DRICH1: variants seen among roughly 807,000 people sequenced by gnomAD.
DRICH1 encodes aspartate rich 1.
Under a neutral mutation model 39.5 loss-of-function variants are expected in DRICH1, and 38 were observed. The ratio of observed to expected loss-of-function variants is 0.96; its 90% confidence interval spans 0.74 to 1.26. The LOEUF (loss-of-function observed/expected upper bound fraction) is 1.26, where lower values mean the gene tolerates loss of function less well. Among genes scored for constraint, DRICH1 ranks in the 50% most tolerant of loss-of-function variants. The pLI is 0.00. For synonymous variants in DRICH1, 84 were observed against 99.5 expected, an observed-to-expected ratio of 0.84 and a Z score of 0.93; for missense variants, 279 against 270.4, an observed-to-expected ratio of 1.03 and a Z score of -0.22.
chr22:23,629,924 G>C (rs1928290632), intron 1 of DRICH1, among the ~76,000 whole-genome samples: 1 of 152,088 alleles, frequency 6.6e-6, no homozygotes, highest in South Asian at 2.1e-4. Context: ...GCCATGGATT[G>C]GAGCATTTCT....
chr22:23,595,501 C>T, the DRICH1 span, among the ~76,000 whole-genome samples: 2 of 152,160 alleles, frequency 1.3e-5, no homozygotes, highest in South Asian at 4.1e-4. Context: ...GAGCTGCTGA[C>T]TTGAGGTCTA....
chr22:23,614,114 A>G, intron 9 of DRICH1, 21 bp downstream of exon 9: 7 of 1,542,408 alleles, frequency 4.5e-6, no homozygotes, highest in Non-Finnish European at 6.3e-6. Context: ...GCTGTAGAAG[A>G]CAAAAAAAGG....
At chr22:23,599,543 G>A in the DRICH1 span, among the ~76,000 whole-genome samples, 6 of 152,200 alleles carry the variant, frequency 3.9e-5, no homozygotes, top group African/African-American at 1.4e-4. Context: ...CAGGGCACGT[G>A]GTATGGCAGA....
intron 8 of DRICH1, among the ~76,000 whole-genome samples, chr22:23,615,413 T>C (rs182620341): frequency 6.6e-6 from 1 of 152,338 alleles, no homozygotes; most frequent in East Asian, 1.9e-4. Flanking sequence ...ACCTATTCAT[T>C]CAGACATATA....
intron 11 of DRICH1, 128 bp from the exon 12 acceptor site, chr22:23,608,896 GA>G: frequency 9.9e-7 from 1 of 1,008,156 alleles, no homozygotes. Context: ...AGGCTGAGGA[GA>G]AATTACAGAT....
rs572347429 is a variant in DRICH1, at chr22:23,617,166, T to C, written c.520-292A>G. Among the ~76,000 whole-genome samples, 4 of 152,324 alleles carry C rather than the reference T, an allele frequency of 2.6e-5. No homozygotes were observed. The South Asian group carries it at 8.3e-4, about 32-fold the overall frequency. ...GCATTACAGTTGATGATGGATGCTGTCATTTAAAAACATCCTAGTGTGTCA... is the reference window on the plus strand; with the variant it reads ...GCATTACAGTTGATGATGGATGCTGCCATTTAAAAACATCCTAGTGTGTCA... On this transcript the variant is annotated intron_variant, in intron 7 of 11. Transcript: ENST00000317749.
At chr22:23,597,794 G>C in the DRICH1 span, among the ~76,000 whole-genome samples, 1 of 152,038 alleles carries the variant, frequency 6.6e-6, no homozygotes, top group Non-Finnish European at 1.5e-5. Context: ...GGCCTGGTGG[G>C]GGGCTGGGGC....
chr22:23,592,055 C>T, the DRICH1 span, among the ~76,000 whole-genome samples: 8 of 152,330 alleles, frequency 5.3e-5, no homozygotes, highest in East Asian at 1.4e-3. Flanking sequence ...TTTCCCGAGG[C>T]ACGTCCTTCC....
chr22:23,629,644 CTCACTCTG>C (rs1928274317), intron 1 of DRICH1, among the ~76,000 whole-genome samples: 2 of 152,004 alleles, frequency 1.3e-5, no homozygotes. Context: ...GAGACAGAGT[CTCACTCTG>C]TCACCCAGGC....
chr22:23,582,629 T>C, the DRICH1 span, among the ~76,000 whole-genome samples: 1 of 151,502 alleles, frequency 6.6e-6, no homozygotes, highest in Non-Finnish European at 1.5e-5. Context: ...GCAATGGTGC[T>C]ATCTCGGCTC....
At chr22:23,615,218 AC>A (rs1270506857) in intron 8 of DRICH1, among the ~76,000 whole-genome samples, 1 of 152,152 alleles carries the variant, frequency 6.6e-6, no homozygotes, top group Non-Finnish European at 1.5e-5. Flanking sequence ...TACTAAAAAT[AC>A]AAAAAAATTA....
the DRICH1 span, among the ~76,000 whole-genome samples, chr22:23,592,131 G>C: frequency 6.6e-6 from 1 of 152,240 alleles, no homozygotes; most frequent in African/African-American, 2.4e-5. Flanking sequence ...AGGGTCCAGA[G>C]ACGGGAGCCA....
intron 8 of DRICH1, among the ~76,000 whole-genome samples, chr22:23,614,545 T>G (rs1927239608): frequency 6.6e-6 from 1 of 152,214 alleles, no homozygotes; most frequent in Non-Finnish European, 1.5e-5. Context: ...AACAGGATTT[T>G]CTTAACGTAT....
At chr22:23,588,284 A>T in the DRICH1 span, among the ~76,000 whole-genome samples, 1 of 152,042 alleles carries the variant, frequency 6.6e-6, no homozygotes, top group African/African-American at 2.4e-5. Context: ...CCATGGCCAC[A>T]CCCAGCTAAT....
the DRICH1 span, among the ~76,000 whole-genome samples, chr22:23,593,796 A>G: frequency 6.6e-6 from 1 of 151,864 alleles, no homozygotes; most frequent in Non-Finnish European, 1.5e-5. Flanking sequence ...CTCCATCTCA[A>G]AACAAAACAA....
rs1649416841 is a variant in DRICH1 at position 23,622,080 on chromosome 22, G to C, written c.384+11C>G. The C allele has an allele frequency of 6.2e-7, 1 of 1,610,616 alleles. No individual in the cohort carries two copies. The highest frequency in any genetic ancestry group is 1.1e-5 in the South Asian group (1 of 90,976). On this transcript the variant is annotated intron_variant, in intron 4 of 11. Transcript: ENST00000317749. ...AACATTTCCTTAGAAGACAAAGAAAGATTGTCTTACCTGGGCATCATCATC... is the reference window on the plus strand; with the variant it reads ...AACATTTCCTTAGAAGACAAAGAAACATTGTCTTACCTGGGCATCATCATC...
rs1228767959 is a variant in DRICH1, at chr22:23,608,748, G to A, written c.*16C>T. On this transcript the variant is annotated 3_prime_UTR_variant, in exon 12 of 12. Coordinates refer to ENST00000317749, the MANE Select transcript of DRICH1 (RefSeq NM_016449.4). ...GCCCTTTGGGTCAGCACCCTGGTCA[G>A]CTCCACAGAAGGGCTTCACCCTGGA... 1 of 1,558,740 alleles carries A rather than the reference G, an allele frequency of 6.4e-7. No homozygotes were observed. The highest frequency in any genetic ancestry group is 1.4e-5 in the African/African-American group (1 of 73,772).
At chr22:23,590,475 G>T in the DRICH1 span, among the ~76,000 whole-genome samples, 1 of 151,772 alleles carries the variant, frequency 6.6e-6, no homozygotes, top group Non-Finnish European at 1.5e-5. Flanking sequence ...ATGGGGTTTT[G>T]CCTTGTTGCC....
chr22:23,622,274 AACAAGCAT>A, intron 3 of DRICH1, 98 bp from the exon 4 acceptor site: 1 of 1,070,140 alleles, frequency 9.3e-7, no homozygotes, highest in Admixed American at 1.7e-5. Context: ...GTGGTTGATT[AACAAGCAT>A]GGACTGAGTT....
Sources: allele counts gnomAD v4.1 joint callset (sites outside exome capture counted in the v4.1 genomes callset), GRCh38; gene constraint gnomAD v4.1.1; transcripts MANE v1.5; gene names NCBI Gene and HGNC (gene_info 2026-07-23, HGNC 2026-07-21).